The following DMGDH variants were observed in gnomAD, a reference collection of about 807,000 sequenced individuals.
DMGDH encodes the protein dimethylglycine dehydrogenase.
Under a neutral mutation model 95.2 loss-of-function variants are expected in DMGDH, and 76 were observed. That is an observed-to-expected ratio of 0.80 (90% CI 0.66 to 0.97). The LOEUF is 0.97. Ranked by LOEUF, DMGDH falls within the 50% of genes least tolerant of loss-of-function variation. The probability of loss-of-function intolerance (pLI) is 0.00; values close to 1 mark genes in which losing one functional copy is unlikely to be tolerated. For missense variants in DMGDH, 987 were observed against 1,055.0 expected, an observed-to-expected ratio of 0.94 and a Z score of 0.89; for synonymous variants, 345 against 377.6, an observed-to-expected ratio of 0.91 and a Z score of 1.00.
chr5:79,058,537 G>A (rs963619042), intron 2 of DMGDH, among the ~76,000 whole-genome samples: 8 of 152,258 alleles, frequency 5.3e-5, no homozygotes, highest in African/African-American at 1.7e-4. Context: ...AAATGATTGA[G>A]TCCTAGACAC....
Position 79,055,808 on chromosome 5 carries a change from A to T in DMGDH, c.375+2T>A, listed in dbSNP as rs780252171. Reference sequence around the variant, plus strand: ...AGACAGTTTCAAGTTAAATGCCTTTACCTGACCAGTTTCTTCTTCCAGTTT... The same window carrying T: ...AGACAGTTTCAAGTTAAATGCCTTTTCCTGACCAGTTTCTTCTTCCAGTTT... On this transcript the variant is annotated splice_donor_variant, in intron 3 of 15. Transcript: ENST00000255189. LOFTEE classifies it high-confidence loss of function. 180 of 1,583,176 alleles carry T rather than the reference A, an allele frequency of 1.1e-4. No individual in the cohort carries two copies. Among genetic ancestry groups the T allele is most frequent in the Non-Finnish European group, 1.5e-4 (177 of 1,152,044 alleles).
At chr5:79,032,063 C>G (rs891497416) in intron 9 of DMGDH, among the ~76,000 whole-genome samples, 3 of 152,136 alleles carry the variant, frequency 2.0e-5, no homozygotes, top group Admixed American at 6.5e-5. Context: ...ACTTGTTTTC[C>G]CTTGATCTGT....
chr5:79,043,277 T>C (rs963747371), intron 6 of DMGDH, among the ~76,000 whole-genome samples: 2 of 152,212 alleles, frequency 1.3e-5, no homozygotes, highest in East Asian at 3.9e-4. Flanking sequence ...TCCCTCCAAA[T>C]GGCATTATTT....
At chr5:79,063,517 C>G in intron 2 of DMGDH, 96 bp downstream of exon 2, 1 of 1,477,936 alleles carries the variant, frequency 6.8e-7, no homozygotes, top group Non-Finnish European at 9.4e-7. Context: ...GGAACGCACT[C>G]TAAAGAGCTC....
At chr5:79,014,444 A>G (rs1358720590) in intron 14 of DMGDH, among the ~76,000 whole-genome samples, 6 of 152,324 alleles carry the variant, frequency 3.9e-5, no homozygotes, top group South Asian at 4.1e-4. Context: ...TCATCTCTCT[A>G]GAGTAGAGTG....
intron 15 of DMGDH, among the ~76,000 whole-genome samples, chr5:79,003,245 T>C (rs191841026): frequency 3.8e-4 from 58 of 152,164 alleles, no homozygotes; most frequent in African/African-American, 1.4e-3. Flanking sequence ...TGGGAGGAAA[T>C]GTAGTGACAA....
At chr5:79,042,553 C>T (rs1010864224) in intron 6 of DMGDH, 72 bp from the exon 7 acceptor site, 86 of 1,430,872 alleles carry the variant, frequency 6.0e-5, no homozygotes, top group Non-Finnish European at 7.9e-5. Context: ...ATTTAAGCCT[C>T]TGACATGGCC....
At chr5:79,033,116 A>C in intron 8 of DMGDH, 123 bp downstream of exon 8, 1 of 1,238,880 alleles carries the variant, frequency 8.1e-7, no homozygotes, top group East Asian at 2.4e-5. Context: ...TCAGGGGCAC[A>C]ATGCTTTTTG....
chr5:79,004,469 G>C (rs565566208), intron 15 of DMGDH, among the ~76,000 whole-genome samples: 1 of 152,282 alleles, frequency 6.6e-6, no homozygotes, highest in African/African-American at 2.4e-5. Context: ...AGCTGACCCT[G>C]TTCATTGTGG....
At chr5:79,059,383 T>C (rs764190351) in intron 2 of DMGDH, among the ~76,000 whole-genome samples, 13 of 152,222 alleles carry the variant, frequency 8.5e-5, no homozygotes, top group Non-Finnish European at 1.8e-4. Flanking sequence ...CGATTGGCTG[T>C]GTCTCTGCAT....
intron 2 of DMGDH, among the ~76,000 whole-genome samples, chr5:79,063,041 G>A (rs1365790946): frequency 6.6e-6 from 1 of 151,934 alleles, no homozygotes; most frequent in East Asian, 1.9e-4. Context: ...GCAGTGAGCC[G>A]AGATCGCGCC....
At chr5:79,004,209 T>G (rs541774529) in intron 15 of DMGDH, among the ~76,000 whole-genome samples, 5 of 152,260 alleles carry the variant, frequency 3.3e-5, no homozygotes, top group African/African-American at 9.6e-5. Flanking sequence ...ACAGGTGTGC[T>G]GCAAAGTTAA....
intron 5 of DMGDH, among the ~76,000 whole-genome samples, chr5:79,048,098 C>T (rs911399827): frequency 6.6e-6 from 1 of 152,088 alleles, no homozygotes; most frequent in Non-Finnish European, 1.5e-5. Flanking sequence ...TCCCAGACTA[C>T]GGCATGGAAT....
At chr5:79,044,997 T>C (rs886193967) in intron 5 of DMGDH, among the ~76,000 whole-genome samples, 4 of 152,114 alleles carry the variant, frequency 2.6e-5, no homozygotes, top group African/African-American at 9.7e-5. Context: ...CATAATGATA[T>C]ACCTAAGAAA....
At position 79,036,214 on chromosome 5, in the gene DMGDH, G is replaced by C. The variant is rs187229964; in HGVS notation, c.1194-2806C>G. Among the ~76,000 whole-genome samples the C allele has an allele frequency of 8.1e-4, 123 of 152,352 alleles. 1 individual carries two copies. Among genetic ancestry groups the C allele is most frequent in the African/African-American group, 2.8e-3 (115 of 41,592 alleles). ...AATACATGGTGGCTATTGGGCCCTT[G>C]TATGACCAGTTGAAAGGATTTTAAT... On this transcript the variant is annotated intron_variant, in intron 7 of 15. Coordinates refer to ENST00000255189, the MANE Select transcript of DMGDH (RefSeq NM_013391.3).
At chr5:79,046,662 T>C (rs1420107853) in intron 5 of DMGDH, among the ~76,000 whole-genome samples, 1 of 152,196 alleles carries the variant, frequency 6.6e-6, no homozygotes, top group Non-Finnish European at 1.5e-5. Context: ...ACAGGCGTTT[T>C]GGTCTTTTAG....
At chr5:79,057,775 T>C (rs1364112093) in intron 2 of DMGDH, among the ~76,000 whole-genome samples, 1 of 152,184 alleles carries the variant, frequency 6.6e-6, no homozygotes, top group Non-Finnish European at 1.5e-5. Flanking sequence ...ATATCTCCTA[T>C]ATATATGTCC....
intron 14 of DMGDH, among the ~76,000 whole-genome samples, chr5:79,014,541 T>C (rs1278941993): frequency 6.6e-6 from 1 of 152,112 alleles, no homozygotes; most frequent in African/African-American, 2.4e-5. Context: ...TTTAAAAGCA[T>C]GAAGAAATGA....
intron 2 of DMGDH, among the ~76,000 whole-genome samples, chr5:79,057,618 G>C (rs147588779): frequency 2.2e-4 from 34 of 152,068 alleles, no homozygotes; most frequent in African/African-American, 8.2e-4. Context: ...CAATGCACCT[G>C]TAAGCCAAAC....
Sources: allele counts gnomAD v4.1 joint callset (sites outside exome capture counted in the v4.1 genomes callset), GRCh38; gene constraint gnomAD v4.1.1; transcripts MANE v1.5; gene names NCBI Gene and HGNC (gene_info 2026-07-23, HGNC 2026-07-21).